RNF103: variants seen among roughly 807,000 people sequenced by gnomAD.
RNF103 encodes ring finger protein 103.
A neutral mutation model predicts 66.2 loss-of-function variants in RNF103; 23 were observed. The ratio of observed to expected loss-of-function variants is 0.35; its 90% CI spans 0.25 to 0.49. The LOEUF (loss-of-function observed/expected upper bound fraction) is 0.49. RNF103 is among the 20% of genes least tolerant of loss of function. RNF103 has a pLI of 0.98. For missense variants in RNF103, 730 were observed against 814.7 expected (o/e 0.90, Z 1.27); for synonymous variants, 297 against 289.9 (o/e 1.02, Z -0.25).
rs1169085191 is a variant in RNF103 at position 86,623,070 on chromosome 2, G to C, written c.-184C>G. 4 of 1,302,326 alleles carry C rather than the reference G, an allele frequency of 3.1e-6. No homozygotes were observed. The highest frequency in any genetic ancestry group is 3.9e-6 in the Non-Finnish European group (4 of 1,031,480). The allele number at this position is 1,302,326 out of a possible 1,614,324, so 80.7% of individuals were successfully genotyped here. A position where few individuals can be genotyped will look rare whatever the true frequency, so the allele number is the denominator to read the frequency against. ...CAGGTGACGGGATCCGCGCGGGCGC[G>C]AGGCGGCGACGAGGGACGCAGAGAC... On this transcript the variant is annotated 5_prime_UTR_variant, in exon 1 of 4. Coordinates refer to ENST00000237455, the MANE Select transcript of RNF103 (RefSeq NM_005667.4).
In RNF103 at chr2:86,603,901, T is replaced by A; in HGVS notation, c.2000A>T (p.Tyr667Phe). ...HCCPVCRWPSYKKKQPYAQHQ... is the reference protein window; with the variant it reads ...HCCPVCRWPSFKKKQPYAQHQ... The stretch of plus-strand genomic sequence containing the variant: ...TTGTGCATATGGCTGCTTTTTTTTA[T>A]AAGAAGGCCACCGGCAAACAGGGCA... The change falls in exon 4 of 4, where the codon TAT becomes TTT. Residue 667 changes from tyrosine to phenylalanine, a missense_variant. Tyr to Phe is a conservative substitution (Grantham distance 22, BLOSUM62 3). Around this residue, in one of 3 missense-constraint regions of RNF103, gnomAD observed 355 missense variants for 351.9 expected, o/e 1.01. Transcript: ENST00000237455. 1 of 1,614,130 alleles carries A rather than the reference T, an allele frequency of 6.2e-7. No homozygotes were observed.
In RNF103 at chr2:86,604,037, C is replaced by T; in HGVS notation, c.1864G>A (p.Val622Ile). The T allele has an allele frequency of 6.2e-7, 1 of 1,614,124 alleles. No individual in the cohort carries two copies. The highest frequency in any genetic ancestry group is 8.5e-7 in the Non-Finnish European group (1 of 1,180,040). The change falls in exon 4 of 4, where the codon GTT becomes ATT. Residue 622 changes from valine to isoleucine, a missense_variant. Val to Ile is a conservative substitution (Grantham distance 29). Around this residue, in one of 3 missense-constraint regions of RNF103, gnomAD observed 355 missense variants for 351.9 expected, o/e 1.01. Transcript: ENST00000237455. Reference sequence around the variant, plus strand: ...TTTTCAAAATTCTCTAGGCAAACAACACATTCAGTACAGTGCAGCATATCA... The same window carrying T: ...TTTTCAAAATTCTCTAGGCAAACAATACATTCAGTACAGTGCAGCATATCA... ...PADMLHCTECVVCLENFENGC... is the reference protein window; with the variant it reads ...PADMLHCTECIVCLENFENGC...
intron 2 of RNF103, chr2:86,614,135 T>C (rs1169544576): frequency 2.0e-5 from 3 of 152,200 alleles, no homozygotes; most frequent in Non-Finnish European, 4.4e-5. Flanking sequence ...AGTGGTCTTA[T>C]TGAGGCAGAT....
chr2:86,614,998 T>C, intron 2 of RNF103: 1 of 985,444 alleles, frequency 1.0e-6, no homozygotes, highest in Non-Finnish European at 1.2e-6. Context: ...TGGAGGCATC[T>C]TTCAGTGAAG....
chr2:86,618,822 A>G (rs961200256), intron 2 of RNF103: 27 of 152,356 alleles, frequency 1.8e-4, no homozygotes, highest in Admixed American at 1.7e-3. Flanking sequence ...AAGAAACAGA[A>G]TAACAATATA....
intron 1 of RNF103, among the ~76,000 whole-genome samples, chr2:86,621,050 G>A (rs934467204): frequency 3.3e-5 from 5 of 152,020 alleles, no homozygotes; most frequent in Non-Finnish European, 5.9e-5. Flanking sequence ...AAAAGGAAAG[G>A]AAAACACTAA....
chr2:86,603,913 C>T lies in RNF103; in HGVS notation c.1988G>A (p.Arg663Gln), dbSNP rs1403005290. ...CTGCTTTTTTTTATAAGAAGGCCAC[C>T]GGCAAACAGGGCAACAATGTCGGCC... ...AGGRHCCPVC[R>Q]WPSYKKKQPY... The change falls in exon 4 of 4, where the codon CGG (arginine) becomes CAG (glutamine). Residue 663 changes from arginine to glutamine, a missense_variant. This residue lies in a region of RNF103 where 355 missense variants were observed against 351.9 expected (regional missense o/e 1.01). Transcript: ENST00000237455. 13 of 1,613,944 alleles carry T rather than the reference C, an allele frequency of 8.1e-6. No individual in the cohort carries two copies. Among genetic ancestry groups the T allele is most frequent in the African/African-American group, 1.3e-5 (1 of 74,888 alleles).
chr2:86,604,045 G>C lies in RNF103; in HGVS notation c.1856C>G (p.Thr619Ser), dbSNP rs780516985. 4 of 1,614,012 alleles carry C rather than the reference G, an allele frequency of 2.5e-6. No individual in the cohort carries two copies. Among genetic ancestry groups the C allele is most frequent in the Admixed American group, 3.3e-5 (2 of 60,010 alleles). ...LTWPADMLHC[T>S]ECVVCLENFE... ...ATTCTCTAGGCAAACAACACATTCA[G>C]TACAGTGCAGCATATCAGCAGGCCA... The change falls in exon 4 of 4, where the codon ACT (threonine) becomes AGT (serine). Residue 619 changes from threonine to serine, a missense_variant. By Grantham distance (58) the Thr-to-Ser change is moderately conservative. This residue lies in a region of RNF103 where 355 missense variants were observed against 351.9 expected (regional missense o/e 1.01). Coordinates refer to ENST00000237455, the MANE Select transcript of RNF103 (RefSeq NM_005667.4).
chr2:86,620,251 AC>A, intron 2 of RNF103, 78 bp downstream of exon 2: 4 of 1,412,716 alleles, frequency 2.8e-6, no homozygotes, highest in Non-Finnish European at 3.7e-6. Flanking sequence ...CGGAAGTGTC[AC>A]TGGCTGGTAC....
chr2:86,623,469 G>A lies in RNF103; in HGVS notation c.-583C>T, dbSNP rs1020778232. 7.1e-6 allele frequency: 7 copies of A among 982,106 alleles called. No homozygotes were observed. Among genetic ancestry groups the A allele is most frequent in the Non-Finnish European group, 6.0e-6 (5 of 828,700 alleles). 60.8% of individuals were successfully genotyped at this position (982,106 alleles called of 1,614,324 possible). On this transcript the variant is annotated 5_prime_UTR_variant, in exon 1 of 4. Coordinates refer to ENST00000237455, the MANE Select transcript of RNF103 (RefSeq NM_005667.4). ...GTGTTCTGCGCGGGGAGGAGCGGCC[G>A]CCGCAACGCCGCGCCCGAAGCCCAG...
At chr2:86,612,308 T>C in intron 2 of RNF103, 34 bp from the exon 3 acceptor site, 3 of 1,290,700 alleles carry the variant, frequency 2.3e-6, no homozygotes, top group Non-Finnish European at 3.3e-6. Context: ...GAAACTTGAA[T>C]TACCTAAAAT....
chr2:86,603,880 G>A lies in RNF103; in HGVS notation c.2021C>T (p.Ala674Val), dbSNP rs371702501. The change falls in exon 4 of 4, where the codon GCA becomes GTA. Residue 674 changes from alanine (A) to valine (V), a missense_variant. This residue lies in a region of RNF103 where 355 missense variants were observed against 351.9 expected (regional missense o/e 1.01). Transcript: ENST00000237455. ...ATCATTTGACAAGGGCTGGTGTTGT[G>A]CATATGGCTGCTTTTTTTTATAAGA... is the stretch of plus-strand genomic sequence containing the variant. Reference protein sequence around the residue: ...WPSYKKKQPYAQHQPLSNDVP... With the variant: ...WPSYKKKQPYVQHQPLSNDVP... The A allele has an allele frequency of 2.5e-5, 40 of 1,613,908 alleles. No individual in the cohort carries two copies. Among genetic ancestry groups the A allele is most frequent in the Middle Eastern group, 1.6e-4 (1 of 6,084 alleles).
intron 2 of RNF103, chr2:86,618,872 T>G (rs1679118298): frequency 6.6e-6 from 1 of 152,248 alleles, no homozygotes; most frequent in African/African-American, 2.4e-5. Flanking sequence ...ACCTTATTTT[T>G]CAACTCCAAC....
At chr2:86,621,824 A>G (rs537295362) in intron 1 of RNF103, among the ~76,000 whole-genome samples, 1 of 152,344 alleles carries the variant, frequency 6.6e-6, no homozygotes, top group East Asian at 1.9e-4. Context: ...AAGTATATCC[A>G]AAGATATACT....
chr2:86,623,617 C>T lies in RNF103; in HGVS notation c.-731G>A, dbSNP rs917639194. 2.7e-4 allele frequency: 294 copies of T among 1,086,678 alleles called. No homozygotes were observed. Among genetic ancestry groups the T allele is most frequent in the Middle Eastern group, 4.4e-4 (1 of 2,272 alleles). 67.3% of individuals were successfully genotyped at this position (1,086,678 alleles called of 1,614,324 possible). A position where few individuals can be genotyped will look rare whatever the true frequency, so the allele number is the denominator to read the frequency against. On this transcript the variant is annotated 5_prime_UTR_variant, in exon 1 of 4. Coordinates refer to ENST00000237455, the MANE Select transcript of RNF103 (RefSeq NM_005667.4). ...CAGGCGGGCGGGCACTGCGGCCCGG[C>T]CCAGGATGGGGCGTCGCGGTCTCTG...
intron 2 of RNF103, chr2:86,616,428 CA>C (rs1679022736): frequency 2.3e-6 from 2 of 855,704 alleles, no homozygotes; most frequent in Non-Finnish European, 2.8e-6. Context: ...TGACAAAAAA[CA>C]GTGGTCTTTT....
At chr2:86,610,776 T>C (rs1678757780) in intron 3 of RNF103, among the ~76,000 whole-genome samples, 1 of 152,182 alleles carries the variant, frequency 6.6e-6, no homozygotes, top group Admixed American at 6.5e-5. Context: ...TTTGTTCTAG[T>C]ATTGTAAAAA....
intron 2 of RNF103, among the ~76,000 whole-genome samples, chr2:86,615,525 T>TAC: frequency 6.8e-6 from 1 of 147,308 alleles, no homozygotes; most frequent in Non-Finnish European, 1.5e-5. Context: ...ATGCCTTATA[T>TAC]ATATATATAT....
At position 86,603,746 on chromosome 2, in the gene RNF103, C is replaced by G; in HGVS notation, c.*97G>C. The G allele has an allele frequency of 6.7e-7, 1 of 1,486,044 alleles. No individual in the cohort carries two copies. Among genetic ancestry groups the G allele is most frequent in the Non-Finnish European group, 9.0e-7 (1 of 1,108,724 alleles). The allele number at this position is 1,486,044 out of a possible 1,614,324, so 92.1% of individuals were successfully genotyped here. On this transcript the variant is annotated 3_prime_UTR_variant, in exon 4 of 4. Transcript: ENST00000237455. ...TGTGTATTTCCCGTCACTGCACTAACATTAAACTAAACTTCAAACCACAAA... is the reference window on the plus strand; with the variant it reads ...TGTGTATTTCCCGTCACTGCACTAAGATTAAACTAAACTTCAAACCACAAA...
Sources: allele counts gnomAD v4.1 joint callset (sites outside exome capture counted in the v4.1 genomes callset), GRCh38; gene constraint gnomAD v4.1.1; regional missense constraint gnomAD v4.1.1; transcripts MANE v1.5; gene names NCBI Gene and HGNC (gene_info 2026-07-23, HGNC 2026-07-21).